Variants in DNAAF11 observed in about 807,000 individuals in gnomAD.
DNAAF11 encodes the protein leucine rich repeat containing 6.
Under a neutral mutation model 60.8 loss-of-function variants are expected in DNAAF11, and 45 were observed. The ratio of observed to expected loss-of-function variants is 0.74; its 90% CI spans 0.58 to 0.95. DNAAF11 has a LOEUF of 0.95. Ranked by LOEUF, DNAAF11 falls within the 40% of genes least tolerant of loss-of-function variation. The probability of loss-of-function intolerance (pLI) is 0.00; values close to 1 mark genes in which losing one functional copy is unlikely to be tolerated. For missense variants in DNAAF11, 546 were observed against 546.2 expected (o/e 1.00, Z 0.00); for synonymous variants, 191 against 183.5 (o/e 1.04, Z -0.33).
At chr8:132,674,467 A>G (rs1825575418) in intron 1 of DNAAF11, among the ~76,000 whole-genome samples, 1 of 152,206 alleles carries the variant, frequency 6.6e-6, no homozygotes, top group African/African-American at 2.4e-5. Flanking sequence ...ATGATAAGTG[A>G]TCAATTAGGT....
rs1428882274 is a variant in DNAAF11 at position 132,661,541 on chromosome 8, T to C, written c.97A>G (p.Ile33Val). 5 of 1,613,940 alleles carry C rather than the reference T, an allele frequency of 3.1e-6. No individual in the cohort carries two copies. Among genetic ancestry groups the C allele is most frequent in the South Asian group, 2.2e-5 (2 of 91,060 alleles). ...LEELSLHQQE[I>V]ERLEHIDKWC... Reference sequence around the variant, plus strand: ...TTATCAATGTGTTCTAGTCTTTCTATTTCTTGCTGATGCAACGAGAGTTCC... The same window carrying C: ...TTATCAATGTGTTCTAGTCTTTCTACTTCTTGCTGATGCAACGAGAGTTCC... The change falls in exon 2 of 12, where the codon ATA becomes GTA. Residue 33 changes from isoleucine (I) to valine (V), a missense_variant. By Grantham distance (29) the Ile-to-Val change is conservative. Transcript: ENST00000620350.
intron 10 of DNAAF11, 55 bp from the exon 11 acceptor site, chr8:132,583,834 A>T (rs1050658301): frequency 3.6e-6 from 4 of 1,113,618 alleles, no homozygotes; most frequent in South Asian, 2.5e-5. Context: ...GATGTACCTT[A>T]AAAAATATAC....
chr8:132,627,577 A>G (rs77061030), intron 5 of DNAAF11, among the ~76,000 whole-genome samples: 4,615 of 152,248 alleles, frequency 0.03, 95 homozygotes, highest in Middle Eastern at 0.065. Context: ...AAGTTTAAAT[A>G]AAAGTTCAGA....
At chr8:132,688,855 C>G in the DNAAF11 span, among the ~76,000 whole-genome samples, 1 of 152,144 alleles carries the variant, frequency 6.6e-6, no homozygotes. Flanking sequence ...ACTGACAGAT[C>G]CCTTATTAAT....
At chr8:132,637,625 A>G (rs1821431095) in intron 4 of DNAAF11, among the ~76,000 whole-genome samples, 1 of 152,162 alleles carries the variant, frequency 6.6e-6, no homozygotes, top group Non-Finnish European at 1.5e-5. Flanking sequence ...AAAACAAGTA[A>G]TAATGAATTC....
In DNAAF11 at chr8:132,638,106, T is replaced by C; in HGVS notation, c.258A>G (p.Gly86=). Residue 86 remains glycine, a splice_region_variant and synonymous_variant, in exon 4 of 12, where the codon GGA becomes GGG. Transcript: ENST00000620350. ...GGTCAAGTTTTGCCAGCTCTTCACA[T>C]CCTGTTGAGAAAAATAAAGTGAAAA... The part of the protein sequence containing the change: ...NNIEKIENLE[G]CEELAKLDLT... The C allele has an allele frequency of 1.2e-6, 2 of 1,611,538 alleles. No individual in the cohort carries two copies. The highest frequency in any genetic ancestry group is 1.7e-6 in the Non-Finnish European group (2 of 1,179,108).
At chr8:132,688,355 G>A in the DNAAF11 span, among the ~76,000 whole-genome samples, 10 of 152,242 alleles carry the variant, frequency 6.6e-5, no homozygotes, top group African/African-American at 2.4e-4. Context: ...CATCCATTCT[G>A]TCTTCTGGTA....
chr8:132,656,943 C>A, intron 2 of DNAAF11, 36 bp from the exon 3 acceptor site: 1 of 747,816 alleles, frequency 1.3e-6, no homozygotes, highest in Non-Finnish European at 2.2e-6. Flanking sequence ...GATAATTAAT[C>A]TTCAAAATAA....
the DNAAF11 span, among the ~76,000 whole-genome samples, chr8:132,691,749 C>G: frequency 6.6e-6 from 1 of 152,016 alleles, no homozygotes; most frequent in Non-Finnish European, 1.5e-5. Flanking sequence ...GGAAACCACC[C>G]CCATCATCCA....
intron 4 of DNAAF11, 74 bp downstream of exon 4, chr8:132,637,861 C>T (rs1821452972): frequency 1.5e-6 from 2 of 1,292,676 alleles, no homozygotes; most frequent in South Asian, 1.5e-5. Flanking sequence ...ACTGTTGCTG[C>T]CAGTAAAGCA....
intron 10 of DNAAF11, among the ~76,000 whole-genome samples, chr8:132,591,011 G>T (rs1262371235): frequency 3.9e-5 from 6 of 152,216 alleles, no homozygotes; most frequent in African/African-American, 1.4e-4. Flanking sequence ...TAGTTAGATT[G>T]TTTCCAATTT....
At chr8:132,577,928 A>T (rs1024773703) in intron 11 of DNAAF11, among the ~76,000 whole-genome samples, 1 of 152,014 alleles carries the variant, frequency 6.6e-6, no homozygotes, top group African/African-American at 2.4e-5. Flanking sequence ...CAGCCTCCCA[A>T]AGTGCTGGAA....
At chr8:132,683,120 A>G in the DNAAF11 span, among the ~76,000 whole-genome samples, 9 of 152,198 alleles carry the variant, frequency 5.9e-5, no homozygotes, top group Non-Finnish European at 8.8e-5. Flanking sequence ...TTGAGCTTTG[A>G]TTTAGCAGCC....
At chr8:132,641,466 A>C (rs1485140516) in intron 3 of DNAAF11, among the ~76,000 whole-genome samples, 7 of 152,186 alleles carry the variant, frequency 4.6e-5, no homozygotes, top group Non-Finnish European at 1.0e-4. Context: ...TATCTCCCAC[A>C]CATAAAAGAT....
At chr8:132,655,016 C>A (rs1012430563) in intron 3 of DNAAF11, among the ~76,000 whole-genome samples, 2 of 151,240 alleles carry the variant, frequency 1.3e-5, no homozygotes, top group African/African-American at 2.4e-5. Flanking sequence ...CCGTTAGCTG[C>A]ACATTAACCA....
chr8:132,640,154 A>G (rs1355177436), intron 3 of DNAAF11, among the ~76,000 whole-genome samples: 1 of 152,232 alleles, frequency 6.6e-6, no homozygotes, highest in Non-Finnish European at 1.5e-5. Flanking sequence ...GGCACAATTT[A>G]TCATGAATTA....
intron 11 of DNAAF11, among the ~76,000 whole-genome samples, chr8:132,576,743 A>G (rs937274840): frequency 7.2e-5 from 11 of 152,220 alleles, no homozygotes; most frequent in Non-Finnish European, 1.3e-4. Flanking sequence ...AAAAAAATCC[A>G]AAATAAAAAA....
chr8:132,694,686 A>C, the DNAAF11 span, among the ~76,000 whole-genome samples: 4 of 152,366 alleles, frequency 2.6e-5, no homozygotes, highest in African/African-American at 7.2e-5. Flanking sequence ...AGGAAGTGGG[A>C]ACTACAAACT....
intron 3 of DNAAF11, among the ~76,000 whole-genome samples, chr8:132,649,768 T>G (rs1458676947): frequency 6.6e-6 from 1 of 152,086 alleles, no homozygotes; most frequent in African/African-American, 2.4e-5. Flanking sequence ...CATGAAAAAA[T>G]GCTCATCATC....
Sources: gnomAD v4.1 joint callset for allele counts (sites outside exome capture counted in the v4.1 genomes callset) on GRCh38, gnomAD v4.1.1 for gene constraint, MANE v1.5 for transcripts, NCBI Gene and HGNC (gene_info 2026-07-23, HGNC 2026-07-21) for gene names.